Variants in MYOM2 observed in about 807,000 individuals in gnomAD.
MYOM2 encodes the protein myomesin 2.
Under a neutral mutation model 187.6 loss-of-function variants are expected in MYOM2, and 254 were observed. The ratio of observed to expected loss-of-function variants is 1.35; its 90% CI spans 1.22 to 1.50. The LOEUF (loss-of-function observed/expected upper bound fraction) is 1.50. Ranked by LOEUF, MYOM2 falls within the 40% of genes most tolerant of loss-of-function variation. The pLI, the probability that MYOM2 is intolerant of heterozygous loss-of-function variation, is 0.00. For synonymous variants in MYOM2, 981 were observed against 753.8 expected (o/e 1.30, Z -4.94); for missense variants, 2,796 against 1,924.0 (o/e 1.45, Z -8.48).
At position 2,098,982 on chromosome 8, in the gene MYOM2, C is replaced by A. The variant is rs376747584; in HGVS notation, c.2439C>A (p.Pro813=). The A allele has an allele frequency of 1.2e-6, 2 of 1,601,112 alleles. No individual in the cohort carries two copies. The highest frequency in any genetic ancestry group is 2.7e-5 in the African/African-American group (2 of 74,690). Residue 813 remains proline (P), a splice_region_variant and synonymous_variant, in exon 19 of 37, where the codon CCC becomes CCA. Coordinates refer to ENST00000262113, the MANE Select transcript of MYOM2 (RefSeq NM_003970.4). ...GTGAGGCCTGGACCATGCCGGAGCC[C>A]GGTGAGTCGCTGCCCCCAGGACACC... is the stretch of plus-strand genomic sequence containing the variant. ...FKCEAWTMPE[P]GPAYDLTFCE... is the part of the protein sequence containing the mutation.
intron 29 of MYOM2, 68 bp downstream of exon 29, chr8:2,123,433 A>G (rs6998711): frequency 0.73 from 1,063,280 of 1,462,676 alleles, 387,722 homozygotes; most frequent in Admixed American, 0.83. Context: ...CGTAAATTCT[A>G]CAATCCTCTA....
At position 2,109,424 on chromosome 8, in the gene MYOM2, G is replaced by A. The variant is rs1160056002; in HGVS notation, c.3073G>A (p.Glu1025Lys). ...TIPLKSELAYEIFDKGRVRFW... is the reference protein window; with the variant it reads ...TIPLKSELAYKIFDKGRVRFW... ...TCCTCTGAAATCGGAATTAGCTTAT[G>A]AGATTTTTGATAAGGGGCGGGTTCG... Residue 1025 changes from glutamate (E) to lysine (K), a missense_variant, in exon 25 of 37, where the codon GAG becomes AAG. Coordinates refer to ENST00000262113, the MANE Select transcript of MYOM2 (RefSeq NM_003970.4). 6.2e-7 allele frequency: 1 copy of A among 1,610,826 alleles called. No homozygotes were observed. Among genetic ancestry groups the A allele is most frequent in the Non-Finnish European group, 8.5e-7 (1 of 1,178,822 alleles).
rs745874438 is a variant in MYOM2 at position 2,106,318 on chromosome 8, C to T, written c.2811C>T (p.Asp937=). Residue 937 remains aspartate, a synonymous_variant, in exon 22 of 37, where the codon GAC becomes GAT. Transcript: ENST00000262113. ...GCTTCGACTGCCAGGAAATGACAGA[C>T]GCGTCTCAGTTCACCTGGTGTAAAT... ...YLGFDCQEMT[D]ASQFTWCKSY... is the part of the protein sequence containing the mutation. The T allele has an allele frequency of 1.9e-5, 31 of 1,614,020 alleles. No homozygotes were observed. The highest frequency in any genetic ancestry group is 1.1e-4 in the South Asian group (10 of 91,088).
In MYOM2 at chr8:2,142,391, G is replaced by T. The variant is rs1563086524; in HGVS notation, c.4018G>T (p.Glu1340Ter). ...AACTTTTAGAGCTGCTGCTTTTGCA[G>T]AGAAGAGTAAGTACCTGTTGGATTG... Reference protein sequence around the residue: ...FQQFKAAAFAEKNRGRLIGGL... With the variant: ...FQQFKAAAFA Residue 1340 changes from glutamate to a stop codon, truncating the protein, a stop_gained, in exon 35 of 37, where the codon GAG becomes TAG. Coordinates refer to ENST00000262113, the MANE Select transcript of MYOM2 (RefSeq NM_003970.4). LOFTEE classifies it high-confidence loss of function. The T allele has an allele frequency of 6.2e-7, 1 of 1,613,854 alleles. No individual in the cohort carries two copies. The highest frequency in any genetic ancestry group is 8.5e-7 in the Non-Finnish European group (1 of 1,179,726).
chr8:2,091,985 C>G (rs1463820189), intron 15 of MYOM2, among the ~76,000 whole-genome samples: 1 of 152,200 alleles, frequency 6.6e-6, no homozygotes, highest in Non-Finnish European at 1.5e-5. Context: ...GTCTTACTTT[C>G]TTAAAATTGG....
At chr8:2,067,500 C>G (rs961237254) in intron 6 of MYOM2, among the ~76,000 whole-genome samples, 1 of 152,262 alleles carries the variant, frequency 6.6e-6, no homozygotes, top group African/African-American at 2.4e-5. Flanking sequence ...TTCCAGGCTA[C>G]TTGAGGATGA....
intron 30 of MYOM2, 46 bp downstream of exon 30, chr8:2,123,688 C>G: frequency 2.0e-6 from 3 of 1,524,812 alleles, no homozygotes; most frequent in Non-Finnish European, 1.8e-6. Context: ...ATTCCTTTCA[C>G]CAACAGGATG....
At position 2,078,764 on chromosome 8, in the gene MYOM2, G is replaced by C. The variant is rs148816585; in HGVS notation, c.1293G>C (p.Gln431His). Residue 431 changes from glutamine (Q) to histidine (H), a missense_variant, in exon 12 of 37, where the codon CAG becomes CAC. Gln to His is a conservative substitution (Grantham distance 24). Transcript: ENST00000262113. ...AAGTAGGAACGAATAATTGGGTGCA[G>C]TGCAATGATGCACCGGTGAAAATCT... is the stretch of plus-strand genomic sequence containing the variant. ...RCEVGTNNWV[Q>H]CNDAPVKICK... 10 of 1,614,178 alleles carry C rather than the reference G, an allele frequency of 6.2e-6. No homozygotes were observed. The African/African-American group carries it at 8.0e-5, about 13-fold the overall frequency.
intron 6 of MYOM2, among the ~76,000 whole-genome samples, chr8:2,065,058 A>G (rs1818971531): frequency 6.6e-6 from 1 of 152,254 alleles, no homozygotes; most frequent in African/African-American, 2.4e-5. Context: ...TATAAGATTA[A>G]CATTATATGA....
rs1819360307 is a variant in MYOM2 at position 2,074,807 on chromosome 8, T to C, written c.1120+1307T>C. 2.0e-5 allele frequency among the ~76,000 whole-genome samples: 3 copies of C among 152,334 alleles called. No individual in the cohort carries two copies. The South Asian group carries it at 6.2e-4, about 32-fold the overall frequency. On this transcript the variant is annotated intron_variant, in intron 10 of 36. Coordinates refer to ENST00000262113, the MANE Select transcript of MYOM2 (RefSeq NM_003970.4). ...TTTCACTCCCCTCCTGCTTCTGCCC[T>C]GGGCTGCACCTCAGCAGCCTCTGGG... is the stretch of plus-strand genomic sequence containing the variant.
intron 13 of MYOM2, among the ~76,000 whole-genome samples, chr8:2,084,005 A>T (rs1020696105): frequency 2.6e-5 from 4 of 152,178 alleles, no homozygotes; most frequent in African/African-American, 9.7e-5. Flanking sequence ...GCTTCTGTTC[A>T]TTGCCTTGTT....
Position 2,076,253 on chromosome 8 carries a change from G to A in MYOM2, c.1233G>A (p.Glu411=). 1 of 1,613,776 alleles carries A rather than the reference G, an allele frequency of 6.2e-7. No individual in the cohort carries two copies. The change falls in exon 11 of 37, where the codon GAG becomes GAA. Residue 411 remains glutamate (E), a synonymous_variant. Transcript: ENST00000262113. ...GGAAGCCGCCCAACACCACCACTGA[G>A]AGCCCCGTCATGGGCTATTTTGTGG... ...VTWKPPNTTT[E]SPVMGYFVDR... is the part of the protein sequence containing the mutation.
At chr8:2,133,902 G>C (rs1270112280) in intron 32 of MYOM2, among the ~76,000 whole-genome samples, 1 of 144,614 alleles carries the variant, frequency 6.9e-6, no homozygotes, top group African/African-American at 2.7e-5. Context: ...TAGACTCATA[G>C]AAAAGTTGAG....
At chr8:2,056,302 C>T (rs1036701998) in intron 3 of MYOM2, among the ~76,000 whole-genome samples, 1 of 152,094 alleles carries the variant, frequency 6.6e-6, no homozygotes, top group South Asian at 2.1e-4. Flanking sequence ...ATGTTTCTCA[C>T]GAGTGGGACA....
At chr8:2,049,188 G>A (rs974574802) in intron 1 of MYOM2, among the ~76,000 whole-genome samples, 17 of 152,322 alleles carry the variant, frequency 1.1e-4, no homozygotes, top group African/African-American at 3.6e-4. Flanking sequence ...CTCCCAGGGT[G>A]GGGTGGTTGG....
intron 36 of MYOM2, among the ~76,000 whole-genome samples, chr8:2,144,223 T>C (rs537192159): frequency 7.9e-5 from 12 of 152,314 alleles, no homozygotes; most frequent in African/African-American, 2.6e-4. Context: ...CAAGAATGCA[T>C]TTTTTTGCCT....
chr8:2,067,616 G>A lies in MYOM2; in HGVS notation c.654-1662G>A, dbSNP rs138497162. 2.5e-3 allele frequency among the ~76,000 whole-genome samples: 380 copies of A among 152,246 alleles called. 1 individual carries two copies. The highest frequency in any genetic ancestry group is 8.4e-3 in the African/African-American group (351 of 41,548). On this transcript the variant is annotated intron_variant, in intron 6 of 36. Transcript: ENST00000262113. ...TACCCCCTCTTGTCTCCATTTCCTG[G>A]GGAAGCTGGTGGGAAGACAGTTCAC...
rs577868826 is a variant in MYOM2 at position 2,051,828 on chromosome 8, G to A, written c.108-330G>A. Among the ~76,000 whole-genome samples the A allele has an allele frequency of 2.0e-5, 3 of 152,284 alleles. No homozygotes were observed. In the South Asian group the frequency reaches 6.2e-4, roughly 32 times the overall value. ...CTTGGGTTTGCCTGTGTGCAAGTGT[G>A]TGTACACTTGTGTAGGTTTGTTTAT... On this transcript the variant is annotated intron_variant, in intron 2 of 36. Transcript: ENST00000262113.
chr8:2,123,366 G>A lies in MYOM2; in HGVS notation c.3567+1G>A. 1.3e-6 allele frequency: 2 copies of A among 1,583,574 alleles called. No individual in the cohort carries two copies. Among genetic ancestry groups the A allele is most frequent in the Non-Finnish European group, 1.7e-6 (2 of 1,164,700 alleles). ...AATCTGTGAGCTCCTCATCCCAAAG[G>A]TATCAGGCATTGAGTAACACAAGAA... On this transcript the variant is annotated splice_donor_variant, in intron 29 of 36. Coordinates refer to ENST00000262113, the MANE Select transcript of MYOM2 (RefSeq NM_003970.4). LOFTEE classifies it high-confidence loss of function.
Sources: allele counts gnomAD v4.1 joint callset (sites outside exome capture counted in the v4.1 genomes callset), GRCh38; gene constraint gnomAD v4.1.1; transcripts MANE v1.5; gene names NCBI Gene and HGNC (gene_info 2026-07-23, HGNC 2026-07-21).